LNX1: variants seen among roughly 807,000 people sequenced by gnomAD.
The protein encoded by LNX1 is E3 ubiquitin-protein ligase LNX.
Under a neutral mutation model 68.4 loss-of-function variants are expected in LNX1, and 54 were observed. The observed-to-expected ratio is 0.79, with a 90% CI of 0.63 to 0.99. LNX1 has a LOEUF of 0.99. Ranked by LOEUF, LNX1 falls within the 50% of genes least tolerant of loss-of-function variation. The probability of loss-of-function intolerance (pLI) is 0.00; values close to 1 mark genes in which losing one functional copy is unlikely to be tolerated. For synonymous variants in LNX1, 336 were observed against 350.0 expected (o/e 0.96, Z 0.45); for missense variants, 906 against 926.4 (o/e 0.98, Z 0.29).
At chr4:53,566,135 G>A (rs895429406) in intron 2 of LNX1, among the ~76,000 whole-genome samples, 1 of 151,926 alleles carries the variant, frequency 6.6e-6, no homozygotes, top group Non-Finnish European at 1.5e-5. Context: ...TCAGATTCAG[G>A]AAATACAGAG....
In LNX1 at chr4:53,589,320, A is replaced by G. The variant is rs540317590; in HGVS notation, c.-87+2068T>C. ...AAATCTGCCCACCTTGTTTGATGAC[A>G]TTGTTTAAGAATTCTCCTGCCTGTT... On this transcript the variant is annotated intron_variant, in intron 1 of 10. Transcript: ENST00000263925. 3.3e-4 allele frequency among the ~76,000 whole-genome samples: 50 copies of G among 152,348 alleles called. 1 individual carries two copies. The South Asian group carries it at 6.4e-3, about 20-fold the overall frequency.
chr4:53,556,954 A>G (rs1008190659), intron 2 of LNX1, among the ~76,000 whole-genome samples: 1 of 152,044 alleles, frequency 6.6e-6, no homozygotes, highest in African/African-American at 2.4e-5. Context: ...ACATAAGCCA[A>G]CTCTTGCTAT....
At chr4:53,596,478 T>A (rs539125454), upstream of LNX1, among the ~76,000 whole-genome samples, 31 of 152,328 alleles carry the variant, frequency 2.0e-4, no homozygotes, top group South Asian at 8.3e-4. Context: ...AGAACTTCAT[T>A]GTTACTGTGT....
At chr4:53,499,430 A>T (rs1725320217) in intron 4 of LNX1, among the ~76,000 whole-genome samples, 1 of 152,132 alleles carries the variant, frequency 6.6e-6, no homozygotes, top group East Asian at 1.9e-4. Context: ...AAGTGCTGGG[A>T]TTACAGGTGT....
At chr4:53,587,963 A>G (rs1732277766) in intron 1 of LNX1, among the ~76,000 whole-genome samples, 1 of 152,182 alleles carries the variant, frequency 6.6e-6, no homozygotes, top group Non-Finnish European at 1.5e-5. Flanking sequence ...CCTTTTGGGA[A>G]ATCTTTTTTT....
chr4:53,628,297 A>C (rs754569687), intron 1 of LNX1, among the ~76,000 whole-genome samples: 2 of 152,224 alleles, frequency 1.3e-5, no homozygotes, highest in Non-Finnish European at 2.9e-5. Context: ...ACATATTAGC[A>C]ATACAAAACA....
chr4:53,487,079 C>A (rs1724358050), intron 6 of LNX1, among the ~76,000 whole-genome samples: 1 of 152,120 alleles, frequency 6.6e-6, no homozygotes, highest in Non-Finnish European at 1.5e-5. Flanking sequence ...TCCACTATGG[C>A]TGATGAAAAC....
intron 9 of LNX1, among the ~76,000 whole-genome samples, chr4:53,469,957 T>A (rs535554877): frequency 3.3e-5 from 5 of 151,974 alleles, no homozygotes; most frequent in Non-Finnish European, 7.4e-5. Context: ...TTCCAATCAA[T>A]AGAAAAAGAG....
At chr4:53,468,024 C>T (rs1298774515) in intron 9 of LNX1, among the ~76,000 whole-genome samples, 2 of 152,074 alleles carry the variant, frequency 1.3e-5, no homozygotes, top group Non-Finnish European at 2.9e-5. Context: ...AGAGCAACTC[C>T]AAGACACATA....
At chr4:53,474,707 C>T (rs570340794) in intron 9 of LNX1, among the ~76,000 whole-genome samples, 17 of 151,936 alleles carry the variant, frequency 1.1e-4, no homozygotes, top group South Asian at 2.1e-4. Context: ...TTGTCTATGC[C>T]GGGATATCAT....
chr4:53,485,755 G>T (rs1724245731), intron 6 of LNX1, among the ~76,000 whole-genome samples: 1 of 152,202 alleles, frequency 6.6e-6, no homozygotes, highest in South Asian at 2.1e-4. Context: ...TAGCACCAGA[G>T]AATCTTTCTT....
chr4:53,580,344 T>C (rs1285742846), intron 1 of LNX1, among the ~76,000 whole-genome samples: 1 of 152,226 alleles, frequency 6.6e-6, no homozygotes, highest in Admixed American at 6.5e-5. Context: ...TCAGTATTTC[T>C]TTCACATCCA....
At chr4:53,477,249 T>G (rs1723625238) in intron 8 of LNX1, among the ~76,000 whole-genome samples, 1 of 151,938 alleles carries the variant, frequency 6.6e-6, no homozygotes, top group Admixed American at 6.6e-5. Flanking sequence ...AGGAAGGGAG[T>G]GAGAGAGGAA....
intron 2 of LNX1, among the ~76,000 whole-genome samples, chr4:53,597,723 T>A (rs1420994561): frequency 6.6e-6 from 1 of 152,236 alleles, no homozygotes; most frequent in Non-Finnish European, 1.5e-5. Flanking sequence ...TTGTTTCCCT[T>A]GTTCTAACCT....
At chr4:53,637,237 G>T (rs1245250405) in intron 1 of LNX1, among the ~76,000 whole-genome samples, 5 of 151,950 alleles carry the variant, frequency 3.3e-5, no homozygotes, top group African/African-American at 1.2e-4. Flanking sequence ...TGGCCCCTAA[G>T]AAACTTGTGT....
rs1721444932 is a variant in LNX1, at chr4:53,459,766, T to A, written c.*1141A>T. 3.0e-6 allele frequency: 1 copy of A among 332,428 alleles called. No individual in the cohort carries two copies. The highest frequency in any genetic ancestry group is 5.6e-6 in the Non-Finnish European group (1 of 179,588). The allele number at this position is 332,428 out of a possible 1,614,324, so 20.6% of individuals were successfully genotyped here. The stretch of plus-strand genomic sequence containing the variant: ...AGATTATCTGAGAAAAGGTCAAGGG[T>A]TCCACTTGGGCCACAGTTTTTTTGT... On this transcript the variant is annotated 3_prime_UTR_variant, in exon 11 of 11. Coordinates refer to ENST00000263925, the MANE Select transcript of LNX1 (RefSeq NM_001126328.3).
At chr4:53,613,099 T>C (rs1359978169) in intron 2 of LNX1, among the ~76,000 whole-genome samples, 1 of 150,066 alleles carries the variant, frequency 6.7e-6, no homozygotes, top group Non-Finnish European at 1.5e-5. Flanking sequence ...AGATTATTAA[T>C]ATGGGCTTTC....
Position 53,507,308 on chromosome 4 carries a change from T to G in LNX1, c.775+9A>C. On this transcript the variant is annotated intron_variant, in intron 4 of 10. Coordinates refer to ENST00000263925, the MANE Select transcript of LNX1 (RefSeq NM_001126328.3). ...CATGTCCATCCAGCCTTATGGGGAG[T>G]TCATTTACCTTCAGGGGCAGTGGTG... 6.2e-7 allele frequency: 1 copy of G among 1,613,198 alleles called. No individual in the cohort carries two copies. The highest frequency in any genetic ancestry group is 1.1e-5 in the South Asian group (1 of 91,008).
At chr4:53,605,570 G>A (rs887926252) in intron 2 of LNX1, among the ~76,000 whole-genome samples, 1 of 151,788 alleles carries the variant, frequency 6.6e-6, no homozygotes, top group African/African-American at 2.4e-5. Flanking sequence ...TTGTATCCTT[G>A]GCCTACATAA....
Sources: allele counts gnomAD v4.1 joint callset (sites outside exome capture counted in the v4.1 genomes callset), GRCh38; gene constraint gnomAD v4.1.1; transcripts MANE v1.5; gene names NCBI Gene and HGNC (gene_info 2026-07-23, HGNC 2026-07-21).